Variants in CD79A observed in about 807,000 individuals in gnomAD.
CD79A encodes the protein CD79a molecule.
In CD79A, 16 loss-of-function variants were observed where a neutral mutation model predicts 27.4. The ratio of observed to expected loss-of-function variants is 0.58; its 90% CI spans 0.40 to 0.89. The LOEUF (loss-of-function observed/expected upper bound fraction) is 0.89. Among genes scored for constraint, CD79A ranks in the 40% least tolerant of loss-of-function variants. The pLI, the probability that CD79A is intolerant of heterozygous loss-of-function variation, is 0.00. For synonymous variants in CD79A, 110 were observed against 132.7 expected (o/e 0.83, Z 1.18); for missense variants, 237 against 299.7 (o/e 0.79, Z 1.55).
intron 3 of CD79A, 24 bp from the exon 4 acceptor site, chr19:41,880,646 C>CGGGGGGCG: frequency 9.4e-7 from 1 of 1,069,104 alleles, no homozygotes; most frequent in Non-Finnish European, 1.4e-6. Context: ...CTCACTGAGG[C>CGGGGGGCG]ACCCACCCCA....
Position 41,878,938 on chromosome 19 carries a change from G to A in CD79A, c.80-52G>A. The A allele has an allele frequency of 6.8e-7, 1 of 1,466,430 alleles. No homozygotes were observed. Among genetic ancestry groups the A allele is most frequent in the Non-Finnish European group, 9.4e-7 (1 of 1,060,768 alleles). 90.8% of individuals were successfully genotyped at this position (1,466,430 alleles called of 1,614,324 possible). ...TGGAACTGCAGGGGCCAGGGCTGGG[G>A]AAATGTGTCACCATCCCCAGTCCCT... On this transcript the variant is annotated intron_variant, in intron 1 of 4. Transcript: ENST00000221972. The surrounding 1 kb of genome is among the most constrained non-coding windows in gnomAD (Gnocchi z 4.3).
In CD79A at chr19:41,880,662, C is replaced by A; in HGVS notation, c.499-8C>A. 3.9e-6 allele frequency: 6 copies of A among 1,522,662 alleles called. No individual in the cohort carries two copies. Among genetic ancestry groups the A allele is most frequent in the Non-Finnish European group, 5.4e-6 (6 of 1,121,366 alleles). 94.3% of individuals were successfully genotyped at this position (1,522,662 alleles called of 1,614,324 possible). On this transcript the variant is annotated splice_polypyrimidine_tract_variant and splice_region_variant and intron_variant, in intron 3 of 4. Coordinates refer to ENST00000221972, the MANE Select transcript of CD79A (RefSeq NM_001783.4). Reference sequence around the variant, plus strand: ...TCACTGAGGCACCCACCCCACCCACCCCTACAGAAACGATGGCAGAACGAG... The same window carrying A: ...TCACTGAGGCACCCACCCCACCCACACCTACAGAAACGATGGCAGAACGAG...
intron 4 of CD79A, 49 bp from the exon 5 acceptor site, chr19:41,880,818 G>C (rs1555844116): frequency 6.6e-7 from 1 of 1,521,386 alleles, no homozygotes; most frequent in African/African-American, 1.4e-5. Context: ...TGGGGGCAGG[G>C]ACCCCAGGTG....
intron 3 of CD79A, among the ~76,000 whole-genome samples, chr19:41,880,268 C>G (rs1359643707): frequency 6.6e-6 from 1 of 151,882 alleles, no homozygotes; most frequent in Non-Finnish European, 1.5e-5. Context: ...ATAGTCCCAG[C>G]TACTCAGGAG....
At position 41,879,599 on chromosome 19, in the gene CD79A, G is replaced by A. The variant is rs141601187; in HGVS notation, c.444G>A (p.Glu148=). ...CCAAGAACCGAATCATCACAGCCGA[G>A]GGGATCATCCTCCTGTTCTGCGCGG... is the stretch of plus-strand genomic sequence containing the variant. ...EGTKNRIITA[E]GIILLFCAVV... is the part of the protein sequence containing the mutation. Residue 148 remains glutamate (E), a synonymous_variant, in exon 3 of 5, where the codon GAG becomes GAA. Transcript: ENST00000221972. The surrounding 1 kb of genome is among the most constrained non-coding windows in gnomAD (Gnocchi z 5.1). The A allele has an allele frequency of 6.2e-7, 1 of 1,612,398 alleles. No individual in the cohort carries two copies. Among genetic ancestry groups the A allele is most frequent in the Non-Finnish European group, 8.5e-7 (1 of 1,179,516 alleles).
Position 41,877,842 on chromosome 19 carries a change from C to A in CD79A, c.79+459C>A, listed in dbSNP as rs1195056644. On this transcript the variant is annotated intron_variant, in intron 1 of 4. Coordinates refer to ENST00000221972, the MANE Select transcript of CD79A (RefSeq NM_001783.4). The surrounding 1 kb of genome is among the most constrained non-coding windows in gnomAD (Gnocchi z 4.1). ...GGAATGGGTGTCTCATGGACTCCCC[C>A]TCACCTGCTCAAGGACAGCTGGCAG... 6.6e-6 allele frequency among the ~76,000 whole-genome samples: 1 copy of A among 152,256 alleles called. No homozygotes were observed. The highest frequency in any genetic ancestry group is 2.4e-5 in the African/African-American group (1 of 41,528).
At position 41,879,475 on chromosome 19, in the gene CD79A, G is replaced by A. The variant is rs2123304755; in HGVS notation, c.380-60G>A. The A allele has an allele frequency of 7.4e-7, 1 of 1,350,564 alleles. No homozygotes were observed. Among genetic ancestry groups the A allele is most frequent in the Non-Finnish European group, 1.0e-6 (1 of 963,252 alleles). 83.7% of individuals were successfully genotyped at this position (1,350,564 alleles called of 1,614,324 possible). ...TGGGGCCTTGCAGGAGGTGGGCGGGGCCAGGAGGCTAGGGAGGGCAAGAGG... is the reference window on the plus strand; with the variant it reads ...TGGGGCCTTGCAGGAGGTGGGCGGGACCAGGAGGCTAGGGAGGGCAAGAGG... On this transcript the variant is annotated intron_variant, in intron 2 of 4. Transcript: ENST00000221972. This position sits in a 1 kb window ranked among gnomAD's most constrained non-coding sequence, Gnocchi z 5.1.
Position 41,879,421 on chromosome 19 carries a change from C to T in CD79A, c.380-114C>T, listed in dbSNP as rs1411934048. 9.1e-6 allele frequency: 11 copies of T among 1,215,158 alleles called. No individual in the cohort carries two copies. The highest frequency in any genetic ancestry group is 5.9e-5 in the Admixed American group (3 of 50,816). 75.3% of individuals were successfully genotyped at this position (1,215,158 alleles called of 1,614,324 possible). ...GCTTGGACAGAGGGACGGACATTCT[C>T]CTCTGCAGAGTGGGGTCTCTGGGGG... is the stretch of plus-strand genomic sequence containing the variant. On this transcript the variant is annotated intron_variant, in intron 2 of 4. Transcript: ENST00000221972. The surrounding 1 kb of genome is among the most constrained non-coding windows in gnomAD (Gnocchi z 5.1).
In CD79A at chr19:41,878,771, C is replaced by T. The variant is rs11880116; in HGVS notation, c.80-219C>T. Among the ~76,000 whole-genome samples the T allele has an allele frequency of 0.02, 3,082 of 152,122 alleles. 111 individuals carry two copies. The highest frequency in any genetic ancestry group is 0.069 in the African/African-American group (2,866 of 41,486). ...TCTCCCAGGATATCCTCACCCACCC[C>T]AACCAGGTATGTCCTCTCTCCTTCC... On this transcript the variant is annotated intron_variant, in intron 1 of 4. Transcript: ENST00000221972. This position sits in a 1 kb window ranked among gnomAD's most constrained non-coding sequence, Gnocchi z 4.3.
chr19:41,880,859 C>G lies in CD79A; in HGVS notation c.568-8C>G. The G allele has an allele frequency of 6.3e-7, 1 of 1,590,682 alleles. No individual in the cohort carries two copies. Among genetic ancestry groups the G allele is most frequent in the Non-Finnish European group, 8.6e-7 (1 of 1,167,416 alleles). ...GTGCTGATGTTCGCTGCCTCATTTC[C>G]ATCCCAGGGCCTGAACCTGGACGAC... is the stretch of plus-strand genomic sequence containing the variant. On this transcript the variant is annotated splice_polypyrimidine_tract_variant and splice_region_variant and intron_variant, in intron 4 of 4. Coordinates refer to ENST00000221972, the MANE Select transcript of CD79A (RefSeq NM_001783.4).
Position 41,878,964 on chromosome 19 carries a change from G to GA in CD79A, c.80-25dup. ...AAATGTGTCACCATCCCCAGTCCCT[G>GA]ACCCACCCACCCTGTCTCTCCACAG... On this transcript the variant is annotated intron_variant, in intron 1 of 4. Transcript: ENST00000221972. The surrounding 1 kb of genome is among the most constrained non-coding windows in gnomAD (Gnocchi z 4.3). 7 of 1,104,332 alleles carry GA rather than the reference G, an allele frequency of 6.3e-6. No homozygotes were observed. Among genetic ancestry groups the GA allele is most frequent in the Non-Finnish European group, 9.5e-6 (7 of 735,282 alleles). The allele number at this position is 1,104,332 out of a possible 1,614,324, so 68.4% of individuals were successfully genotyped here.
chr19:41,878,882 A>T lies in CD79A; in HGVS notation c.80-108A>T. Reference sequence around the variant, plus strand: ...GGGCTCTCTCTCTCCCTCCCCACCCAGGAGAGTCCTCACCCTCTTCCCAGG... The same window carrying T: ...GGGCTCTCTCTCTCCCTCCCCACCCTGGAGAGTCCTCACCCTCTTCCCAGG... On this transcript the variant is annotated intron_variant, in intron 1 of 4. Coordinates refer to ENST00000221972, the MANE Select transcript of CD79A (RefSeq NM_001783.4). This position sits in a 1 kb window ranked among gnomAD's most constrained non-coding sequence, Gnocchi z 4.3. 2.3e-6 allele frequency: 2 copies of T among 854,186 alleles called. No individual in the cohort carries two copies. Among genetic ancestry groups the T allele is most frequent in the Non-Finnish European group, 3.8e-6 (2 of 531,998 alleles). The allele number at this position is 854,186 out of a possible 1,614,324, so 52.9% of individuals were successfully genotyped here. A position where few individuals can be genotyped will look rare whatever the true frequency, so the allele number is the denominator to read the frequency against.
At position 41,881,292 on chromosome 19, in the gene CD79A, T is replaced by C. The variant is rs1555844238; in HGVS notation, c.*312T>C. The C allele has an allele frequency of 4.0e-6, 2 of 495,932 alleles. No homozygotes were observed. The highest frequency in any genetic ancestry group is 1.9e-5 in the African/African-American group (1 of 52,254). The allele number at this position is 495,932 out of a possible 1,614,324, so 30.7% of individuals were successfully genotyped here. ...TAATCGCTGCCTCTAGGGGAGCTGA[T>C]TGTAGCAGCCTCGTTAGTGTCACCC... On this transcript the variant is annotated 3_prime_UTR_variant, in exon 5 of 5. Coordinates refer to ENST00000221972, the MANE Select transcript of CD79A (RefSeq NM_001783.4).
chr19:41,880,642 G>A, intron 3 of CD79A, 28 bp from the exon 4 acceptor site: 1 of 1,207,158 alleles, frequency 8.3e-7, no homozygotes, highest in Non-Finnish European at 1.2e-6. Context: ...CCTGCTCACT[G>A]AGGCACCCAC....
At position 41,879,906 on chromosome 19, in the gene CD79A, G is replaced by A. The variant is rs1190793273; in HGVS notation, c.498+253G>A. The stretch of plus-strand genomic sequence containing the variant: ...CCTCACGTCCACCTCCCCCCAAGAA[G>A]AGTCTCATTCTTCTCCCTAAGAGTG... On this transcript the variant is annotated intron_variant, in intron 3 of 4. Coordinates refer to ENST00000221972, the MANE Select transcript of CD79A (RefSeq NM_001783.4). The surrounding 1 kb of genome is among the most constrained non-coding windows in gnomAD (Gnocchi z 5.1). Among the ~76,000 whole-genome samples the A allele has an allele frequency of 6.6e-6, 1 of 152,090 alleles. No homozygotes were observed. Among genetic ancestry groups the A allele is most frequent in the Non-Finnish European group, 1.5e-5 (1 of 68,012 alleles).
Position 41,879,020 on chromosome 19 carries a change from A to G in CD79A, c.110A>G (p.Lys37Arg). Residue 37 changes from lysine to arginine, a missense_variant, in exon 2 of 5, where the codon AAG becomes AGG. Lys to Arg is a conservative substitution (Grantham distance 26). Coordinates refer to ENST00000221972, the MANE Select transcript of CD79A (RefSeq NM_001783.4). This position sits in a 1 kb window ranked among gnomAD's most constrained non-coding sequence, Gnocchi z 5.1. Reference protein sequence around the residue: ...GPGCQALWMHKVPASLMVSLG... With the variant: ...GPGCQALWMHRVPASLMVSLG... ...GGGTGCCAGGCCCTGTGGATGCACA[A>G]GGTCCCAGCATCATTGATGGTGAGC... is the stretch of plus-strand genomic sequence containing the variant. 6.2e-7 allele frequency: 1 copy of G among 1,613,126 alleles called. No individual in the cohort carries two copies. The highest frequency in any genetic ancestry group is 2.2e-5 in the East Asian group (1 of 44,852).
rs1183814136 is a variant in CD79A at position 41,877,965 on chromosome 19, C to T, written c.79+582C>T. On this transcript the variant is annotated intron_variant, in intron 1 of 4. Coordinates refer to ENST00000221972, the MANE Select transcript of CD79A (RefSeq NM_001783.4). The surrounding 1 kb of genome is among the most constrained non-coding windows in gnomAD (Gnocchi z 4.1). ...TTGGAGTTCACGTCTGAGTCTTAAG[C>T]CCGTGACGATGAGGGTGCTCGGCCC... Among the ~76,000 whole-genome samples, 1 of 152,168 alleles carries T rather than the reference C, an allele frequency of 6.6e-6. No homozygotes were observed. Among genetic ancestry groups the T allele is most frequent in the African/African-American group, 2.4e-5 (1 of 41,426 alleles).
At position 41,881,068 on chromosome 19, in the gene CD79A, C is replaced by G; in HGVS notation, c.*88C>G. 1.2e-6 allele frequency: 1 copy of G among 845,606 alleles called. No individual in the cohort carries two copies. Among genetic ancestry groups the G allele is most frequent in the Non-Finnish European group, 1.9e-6 (1 of 516,676 alleles). The allele number at this position is 845,606 out of a possible 1,614,324, so 52.4% of individuals were successfully genotyped here. A position where few individuals can be genotyped will look rare whatever the true frequency, so the allele number is the denominator to read the frequency against. ...CTTCCCTGGGACATTCTCCTTTCAGCCCTTCTGGGGGCTTCCTTAGTCATA... is the reference window on the plus strand; with the variant it reads ...CTTCCCTGGGACATTCTCCTTTCAGGCCTTCTGGGGGCTTCCTTAGTCATA... On this transcript the variant is annotated 3_prime_UTR_variant, in exon 5 of 5. Transcript: ENST00000221972.
chr19:41,880,938 G>A lies in CD79A; in HGVS notation c.639G>A (p.Val213=), dbSNP rs1555844145. 6.3e-7 allele frequency: 1 copy of A among 1,598,986 alleles called. No homozygotes were observed. Among genetic ancestry groups the A allele is most frequent in the Admixed American group, 1.7e-5 (1 of 57,768 alleles). Residue 213 remains valine (V), a synonymous_variant, in exon 5 of 5, where the codon GTG becomes GTA. Coordinates refer to ENST00000221972, the MANE Select transcript of CD79A (RefSeq NM_001783.4). ...GCCTCCAGGGCACCTACCAGGATGT[G>A]GGCAGCCTCAACATAGGAGATGTCC... ...SRGLQGTYQD[V]GSLNIGDVQL...
Sources: allele counts gnomAD v4.1 joint callset (sites outside exome capture counted in the v4.1 genomes callset), GRCh38; gene constraint gnomAD v4.1.1; non-coding constraint Gnocchi (gnomAD v3.1); transcripts MANE v1.5; gene names NCBI Gene and HGNC (gene_info 2026-07-23, HGNC 2026-07-21).